Variants in NTNG1 observed in about 807,000 individuals in gnomAD.
NTNG1 encodes netrin G1.
NTNG1 carries 16 observed loss-of-function variants against 54.0 expected under a neutral mutation model. The observed-to-expected ratio is 0.30, with a 90% CI of 0.20 to 0.45. The LOEUF (loss-of-function observed/expected upper bound fraction) is 0.45, where lower values mean the gene tolerates loss of function less well. NTNG1 is among the 20% of genes least tolerant of loss of function. The pLI is 1.00. For missense variants in NTNG1, 530 were observed against 678.7 expected (o/e 0.78, Z 2.43); for synonymous variants, 255 against 263.1 (o/e 0.97, Z 0.30).
chr1:107,155,441 T>C (rs1421491684), intron 2 of NTNG1, among the ~76,000 whole-genome samples: 3 of 152,124 alleles, frequency 2.0e-5, no homozygotes, highest in African/African-American at 7.2e-5. Context: ...TATCTCTATC[T>C]CTCTATCTAA....
At chr1:107,327,114 GCA>G (rs1206900523) in intron 3 of NTNG1, among the ~76,000 whole-genome samples, 1 of 152,150 alleles carries the variant, frequency 6.6e-6, no homozygotes, top group East Asian at 1.9e-4. Context: ...CTGAAGAGAA[GCA>G]GCTGGGCAAA....
At chr1:107,397,697 C>T (rs1318856) in intron 4 of NTNG1, among the ~76,000 whole-genome samples, 65,110 of 151,462 alleles carry the variant, frequency 0.43, 14,319 homozygotes, top group Middle Eastern at 0.51. Context: ...CATTGTTGGA[C>T]AGTTTTAACT....
chr1:107,280,780 G>A (rs1284399501), intron 2 of NTNG1, among the ~76,000 whole-genome samples: 1 of 151,954 alleles, frequency 6.6e-6, no homozygotes, highest in African/African-American at 2.4e-5. Context: ...ATAAGGAGGT[G>A]CCAACACTCA....
intron 2 of NTNG1, among the ~76,000 whole-genome samples, chr1:107,204,565 T>G (rs1336632603): frequency 1.3e-5 from 2 of 152,064 alleles, no homozygotes; most frequent in Non-Finnish European, 2.9e-5. Context: ...TGACCCTTCA[T>G]ATCACCCCAG....
At chr1:107,368,171 C>T (rs1670711994) in intron 3 of NTNG1, among the ~76,000 whole-genome samples, 1 of 152,104 alleles carries the variant, frequency 6.6e-6, no homozygotes, top group South Asian at 2.1e-4. Flanking sequence ...TTTCTTACAT[C>T]CTTATTACCT....
intron 2 of NTNG1, among the ~76,000 whole-genome samples, chr1:107,227,688 T>TCTCA (rs1043290563): frequency 7.4e-5 from 11 of 148,926 alleles, no homozygotes; most frequent in South Asian, 4.2e-4. Context: ...TCTCTCTCTC[T>TCTCA]CACACACACA....
Position 107,438,833 on chromosome 1 carries a change from T to C in NTNG1, c.1390+2034T>C, listed in dbSNP as rs530569562. Among the ~76,000 whole-genome samples, 79 of 152,206 alleles carry C rather than the reference T, an allele frequency of 5.2e-4. 1 individual carries two copies. The highest frequency in any genetic ancestry group is 1.0e-3 in the Non-Finnish European group (69 of 68,048). ...TGCCACCAACTTTTCCCTTCTGGAA[T>C]CAAAAGACTGAATTTAAGCCTTACC... On this transcript the variant is annotated intron_variant, in intron 7 of 7. Transcript: ENST00000370068.
At chr1:107,291,798 A>C (rs575322729) in intron 2 of NTNG1, among the ~76,000 whole-genome samples, 6 of 152,320 alleles carry the variant, frequency 3.9e-5, no homozygotes, top group Admixed American at 6.5e-5. Context: ...AGGATCCAGA[A>C]AGGAAAACAG....
At chr1:107,179,124 G>A (rs1656875015) in intron 2 of NTNG1, among the ~76,000 whole-genome samples, 1 of 152,150 alleles carries the variant, frequency 6.6e-6, no homozygotes, top group Non-Finnish European at 1.5e-5. Flanking sequence ...TTTAGAGGGG[G>A]ACAGTGAATA....
intron 5 of NTNG1, 92 bp from the exon 6 acceptor site, chr1:107,430,658 T>C (rs781310821): frequency 7.6e-7 from 1 of 1,310,880 alleles, no homozygotes; most frequent in Non-Finnish European, 1.1e-6. Context: ...TTCCACCGTC[T>C]TTTCTCCATC....
At position 107,231,750 on chromosome 1, in the gene NTNG1, C is replaced by T. The variant is rs576164383; in HGVS notation, c.246+82911C>T. Among the ~76,000 whole-genome samples the T allele has an allele frequency of 9.2e-5, 14 of 152,182 alleles. No homozygotes were observed. In the South Asian group the frequency reaches 1.9e-3, roughly 20 times the overall value. ...TTCCCAGTATCTGTAAGCTGGTCCT[C>T]GGTGGCCTCTGTCTACTTTAGCATC... On this transcript the variant is annotated intron_variant, in intron 2 of 7. Coordinates refer to ENST00000370068, the MANE Select transcript of NTNG1 (RefSeq NM_001113226.3).
At chr1:107,457,653 G>GT (rs1165058137) in intron 7 of NTNG1, among the ~76,000 whole-genome samples, 1 of 151,842 alleles carries the variant, frequency 6.6e-6, no homozygotes, top group Non-Finnish European at 1.5e-5. Context: ...TATTTTTTAA[G>GT]TTTTTTATAA....
chr1:107,141,546 C>T (rs1036500866), intron 1 of NTNG1: 5 of 152,338 alleles, frequency 3.3e-5, no homozygotes, highest in Admixed American at 3.3e-4. Flanking sequence ...CCCCCGCCGC[C>T]CCCCGCCCCA....
intron 2 of NTNG1, among the ~76,000 whole-genome samples, chr1:107,310,407 C>CGG (rs1265825166): frequency 6.6e-6 from 1 of 152,122 alleles, no homozygotes; most frequent in Non-Finnish European, 1.5e-5. Flanking sequence ...CCTACAACAT[C>CGG]TAACATAGTG....
intron 2 of NTNG1, among the ~76,000 whole-genome samples, chr1:107,165,437 T>G (rs1489133608): frequency 5.3e-5 from 8 of 152,210 alleles, no homozygotes; most frequent in Admixed American, 5.2e-4. Flanking sequence ...ACTATGTTTT[T>G]AAGTTAATTA....
In NTNG1 at chr1:107,354,326, G is replaced by A. The variant is rs187488267; in HGVS notation, c.887+29404G>A. 3.4e-3 allele frequency among the ~76,000 whole-genome samples: 513 copies of A among 151,704 alleles called. 5 individuals are homozygous for A. The highest frequency in any genetic ancestry group is 0.012 in the African/African-American group (485 of 41,372). On this transcript the variant is annotated intron_variant, in intron 3 of 7. Transcript: ENST00000370068. Reference sequence around the variant, plus strand: ...TCTACTAAAAATACAAAAATTAGCCGAGCGTGGTGGCAGGCACCTGTAGTC... The same window carrying A: ...TCTACTAAAAATACAAAAATTAGCCAAGCGTGGTGGCAGGCACCTGTAGTC...
At chr1:107,226,737 A>G (rs1322618773) in intron 2 of NTNG1, among the ~76,000 whole-genome samples, 1 of 152,154 alleles carries the variant, frequency 6.6e-6, no homozygotes, top group Non-Finnish European at 1.5e-5. Flanking sequence ...TATTACACAG[A>G]GAGTTGCTCA....
At chr1:107,205,942 A>C (rs547765825) in intron 2 of NTNG1, among the ~76,000 whole-genome samples, 4 of 152,246 alleles carry the variant, frequency 2.6e-5, no homozygotes, top group African/African-American at 4.8e-5. Context: ...GTTGGGTTTA[A>C]TGTTAGGTTT....
At chr1:107,407,394 A>G (rs949984115) in intron 4 of NTNG1, among the ~76,000 whole-genome samples, 1 of 152,118 alleles carries the variant, frequency 6.6e-6, no homozygotes, top group Non-Finnish European at 1.5e-5. Context: ...GGATGTCAAA[A>G]GCTTACTTGG....
Sources: allele counts gnomAD v4.1 joint callset (sites outside exome capture counted in the v4.1 genomes callset), GRCh38; gene constraint gnomAD v4.1.1; transcripts MANE v1.5; gene names NCBI Gene and HGNC (gene_info 2026-07-23, HGNC 2026-07-21).